ANTXR1: variants seen among roughly 807,000 people sequenced by gnomAD.
ANTXR1 encodes the protein anthrax toxin receptor 1.
Under a neutral mutation model 78.1 loss-of-function variants are expected in ANTXR1, and 19 were observed. The observed-to-expected ratio is 0.24, with a 90% CI of 0.17 to 0.36. The LOEUF is 0.36. ANTXR1 is among the 10% of genes least tolerant of loss of function. The probability of loss-of-function intolerance (pLI) is 1.00; values close to 1 mark genes in which losing one functional copy is unlikely to be tolerated. For synonymous variants in ANTXR1, 273 were observed against 260.5 expected, an observed-to-expected ratio of 1.05 and a Z score of -0.46; for missense variants, 518 against 718.6, an observed-to-expected ratio of 0.72 and a Z score of 3.19.
At chr2:69,193,901 T>C (rs1674602632) in intron 17 of ANTXR1, among the ~76,000 whole-genome samples, 1 of 152,138 alleles carries the variant, frequency 6.6e-6, no homozygotes. Context: ...TCCCAGCAGG[T>C]GTGGGGCCCA....
chr2:69,144,655 G>A (rs1438421712), intron 12 of ANTXR1, among the ~76,000 whole-genome samples: 1 of 152,214 alleles, frequency 6.6e-6, no homozygotes. Context: ...GGCAGAGAAA[G>A]CTAATATCTC....
chr2:69,058,265 G>C (rs1001610058), intron 3 of ANTXR1, among the ~76,000 whole-genome samples: 6 of 152,182 alleles, frequency 3.9e-5, no homozygotes, highest in African/African-American at 1.2e-4. Flanking sequence ...ATGCCATCTA[G>C]GACTTTCATA....
intron 1 of ANTXR1, among the ~76,000 whole-genome samples, chr2:69,032,084 A>C (rs934006528): frequency 6.6e-6 from 1 of 152,240 alleles, no homozygotes; most frequent in Admixed American, 6.5e-5. Context: ...AATGTACAAA[A>C]AGGAATTATA....
intron 9 of ANTXR1, 74 bp downstream of exon 9, chr2:69,090,993 A>C: frequency 6.7e-7 from 1 of 1,484,776 alleles, no homozygotes; most frequent in Admixed American, 1.7e-5. Flanking sequence ...TATGTACTTC[A>C]TTGTTGGTGG....
Position 69,075,580 on chromosome 2 carries a change from C to T in ANTXR1, c.493-10C>T. 3.1e-6 allele frequency: 5 copies of T among 1,613,974 alleles called. No individual in the cohort carries two copies. The highest frequency in any genetic ancestry group is 4.2e-6 in the Non-Finnish European group (5 of 1,179,862). On this transcript the variant is annotated splice_polypyrimidine_tract_variant and intron_variant, in intron 6 of 17. Coordinates refer to ENST00000303714, the MANE Select transcript of ANTXR1 (RefSeq NM_032208.3). ...TTCTCTTTCTAATGTCCTTTCTTTC[C>T]TTTTCCCAGGCTAATAGGTCTCGAG...
chr2:69,067,436 C>A (rs957433721), intron 3 of ANTXR1, among the ~76,000 whole-genome samples: 1 of 147,096 alleles, frequency 6.8e-6, no homozygotes, highest in East Asian at 2.0e-4. Flanking sequence ...TTCCACACCC[C>A]CAAGAAGCCT....
chr2:69,145,270 C>G, intron 12 of ANTXR1: 1 of 1,534,518 alleles, frequency 6.5e-7, no homozygotes, highest in Non-Finnish European at 8.8e-7. Context: ...CTTCTAAGGC[C>G]AGGGGAGTAG....
At chr2:69,211,079 G>T (rs1675030698) in intron 17 of ANTXR1, among the ~76,000 whole-genome samples, 1 of 152,162 alleles carries the variant, frequency 6.6e-6, no homozygotes, top group African/African-American at 2.4e-5. Context: ...GCTACAGAGA[G>T]GAGGTGTTAC....
intron 12 of ANTXR1, among the ~76,000 whole-genome samples, chr2:69,124,954 C>G (rs752955752): frequency 3.9e-5 from 6 of 151,974 alleles, no homozygotes; most frequent in Admixed American, 1.3e-4. Context: ...GGGTGGAGTC[C>G]CAGATAGAGT....
chr2:69,215,694 T>C (rs1316818311), intron 17 of ANTXR1, among the ~76,000 whole-genome samples: 4 of 152,232 alleles, frequency 2.6e-5, no homozygotes, highest in Non-Finnish European at 5.9e-5. Flanking sequence ...TAGAGTCTAG[T>C]AGAATGCTGG....
At chr2:69,019,321 T>C (rs1206786676) in intron 1 of ANTXR1, among the ~76,000 whole-genome samples, 1 of 152,224 alleles carries the variant, frequency 6.6e-6, no homozygotes, top group Non-Finnish European at 1.5e-5. Context: ...ATTTGATCAT[T>C]TTGGTTATTG....
intron 13 of ANTXR1, among the ~76,000 whole-genome samples, chr2:69,158,389 G>A (rs1673585991): frequency 6.6e-6 from 1 of 152,150 alleles, no homozygotes; most frequent in African/African-American, 2.4e-5. Flanking sequence ...CATTTCAGTA[G>A]CATCCTGCAC....
intron 10 of ANTXR1, among the ~76,000 whole-genome samples, chr2:69,113,148 G>T (rs571283540): frequency 2.6e-5 from 4 of 152,274 alleles, no homozygotes; most frequent in African/African-American, 9.6e-5. Context: ...ATGCATGTCT[G>T]GGAGAGATTT....
chr2:69,244,690 G>A (rs575429495), intron 17 of ANTXR1, among the ~76,000 whole-genome samples: 1 of 152,264 alleles, frequency 6.6e-6, no homozygotes, highest in South Asian at 2.1e-4. Context: ...GCCATTTCCA[G>A]GCATGTAACT....
intron 17 of ANTXR1, among the ~76,000 whole-genome samples, chr2:69,207,538 A>G (rs1025459076): frequency 1.3e-5 from 2 of 152,208 alleles, no homozygotes; most frequent in African/African-American, 4.8e-5. Flanking sequence ...TGGAGATCAG[A>G]GGATAAAAAT....
intron 17 of ANTXR1, among the ~76,000 whole-genome samples, chr2:69,231,461 C>G (rs889000539): frequency 1.3e-5 from 2 of 152,198 alleles, no homozygotes; most frequent in African/African-American, 4.8e-5. Flanking sequence ...ACAACTCATA[C>G]TCAGCTTCCA....
intron 1 of ANTXR1, among the ~76,000 whole-genome samples, chr2:69,022,959 T>A (rs1031783078): frequency 2.6e-5 from 4 of 152,206 alleles, no homozygotes; most frequent in African/African-American, 9.7e-5. Context: ...ATTTAAGCCA[T>A]GTTGTTTACT....
At chr2:69,092,716 A>T (rs1007616139) in intron 9 of ANTXR1, among the ~76,000 whole-genome samples, 4 of 152,182 alleles carry the variant, frequency 2.6e-5, no homozygotes, top group African/African-American at 7.2e-5. Context: ...ATATGACCAC[A>T]TGAATGCAGT....
At chr2:69,050,370 T>C (rs2104114212) in intron 3 of ANTXR1, among the ~76,000 whole-genome samples, 1 of 152,162 alleles carries the variant, frequency 6.6e-6, no homozygotes, top group Middle Eastern at 3.4e-3. Context: ...CAATAAACTT[T>C]ATCATGGTTT....
Sources: gnomAD v4.1 joint callset for allele counts (sites outside exome capture counted in the v4.1 genomes callset) on GRCh38, gnomAD v4.1.1 for gene constraint, MANE v1.5 for transcripts, NCBI Gene and HGNC (gene_info 2026-07-23, HGNC 2026-07-21) for gene names.